Variants in CADM1 observed in about 807,000 individuals in gnomAD.
CADM1 encodes TSLC-1.
In CADM1, 15 loss-of-function variants were observed where a neutral mutation model predicts 53.1. That is an observed-to-expected ratio of 0.28 (90% CI 0.19 to 0.44). CADM1 has a LOEUF of 0.44. Ranked by LOEUF, CADM1 falls within the 20% of genes least tolerant of loss-of-function variation. CADM1 has a pLI of 1.00. For synonymous variants in CADM1, 281 were observed against 243.0 expected (o/e 1.16, Z -1.45); for missense variants, 434 against 611.3 (o/e 0.71, Z 3.06).
intron 1 of CADM1, among the ~76,000 whole-genome samples, chr11:115,482,694 C>T (rs543864844): frequency 9.2e-5 from 14 of 152,240 alleles, no homozygotes; most frequent in African/African-American, 3.1e-4. Context: ...ATCATGGAGT[C>T]CCCTAAAGAG....
intron 1 of CADM1, among the ~76,000 whole-genome samples, chr11:115,423,030 G>GTT (rs34396473): frequency 7.5e-4 from 106 of 142,068 alleles, no homozygotes; most frequent in Admixed American, 2.3e-3. Flanking sequence ...GCTACGGTCT[G>GTT]TTTTTTTTTT....
chr11:115,207,210 A>G (rs1264580385), intron 8 of CADM1: 2 of 152,176 alleles, frequency 1.3e-5, no homozygotes, highest in African/African-American at 2.4e-5. Flanking sequence ...GATTCTGGGC[A>G]TTCATTACCA....
chr11:115,470,056 T>C (rs957224186), intron 1 of CADM1, among the ~76,000 whole-genome samples: 23 of 152,222 alleles, frequency 1.5e-4, no homozygotes, highest in African/African-American at 5.1e-4. Flanking sequence ...AATAAAAAAA[T>C]AGTAATGCCT....
At chr11:115,303,747 C>T (rs746017609) in intron 1 of CADM1, among the ~76,000 whole-genome samples, 1 of 151,980 alleles carries the variant, frequency 6.6e-6, no homozygotes, top group East Asian at 1.9e-4. Context: ...TGTGCCCTAC[C>T]GGGAGATGGG....
At chr11:115,477,104 T>C (rs1404569784) in intron 1 of CADM1, among the ~76,000 whole-genome samples, 1 of 151,910 alleles carries the variant, frequency 6.6e-6, no homozygotes, top group Non-Finnish European at 1.5e-5. Context: ...CAGGATAGGA[T>C]GGTGCACAGA....
chr11:115,433,660 C>T (rs895506503), intron 1 of CADM1, among the ~76,000 whole-genome samples: 2 of 152,172 alleles, frequency 1.3e-5, no homozygotes, highest in Admixed American at 1.3e-4. Flanking sequence ...TTCCCAGGAC[C>T]TATATAAGGT....
intron 1 of CADM1, among the ~76,000 whole-genome samples, chr11:115,360,206 G>T (rs1321355234): frequency 6.6e-6 from 1 of 152,158 alleles, no homozygotes. Flanking sequence ...GAGCAGTGAG[G>T]TACAGTAAGT....
At chr11:115,468,544 T>C (rs1273555166) in intron 1 of CADM1, among the ~76,000 whole-genome samples, 1 of 151,952 alleles carries the variant, frequency 6.6e-6, no homozygotes, top group Non-Finnish European at 1.5e-5. Context: ...CTTACAGGGG[T>C]GTGTCTGTGT....
chr11:115,480,709 G>A (rs944631311), intron 1 of CADM1, among the ~76,000 whole-genome samples: 1 of 152,054 alleles, frequency 6.6e-6, no homozygotes, highest in African/African-American at 2.4e-5. Context: ...TCTCCTGGAG[G>A]GAGAACATTT....
At chr11:115,187,799 T>C (rs1160643302) in intron 10 of CADM1, among the ~76,000 whole-genome samples, 3 of 152,174 alleles carry the variant, frequency 2.0e-5, no homozygotes, top group African/African-American at 7.2e-5. Flanking sequence ...GGGACTGCAG[T>C]TGGTTCACCT....
chr11:115,451,153 T>C (rs181361080), intron 1 of CADM1, among the ~76,000 whole-genome samples: 21 of 152,362 alleles, frequency 1.4e-4, no homozygotes, highest in Admixed American at 4.6e-4. Flanking sequence ...CTCCCAGAGA[T>C]AGAAGGGAGG....
chr11:115,219,109 G>A (rs185227073), intron 5 of CADM1, among the ~76,000 whole-genome samples: 40 of 152,262 alleles, frequency 2.6e-4, no homozygotes, highest in African/African-American at 8.7e-4. Context: ...ACATCGGTTG[G>A]CTGAAAGGTC....
In CADM1 at chr11:115,174,860, A is replaced by G. The variant is rs1015842883; in HGVS notation, c.*1614T>C. On this transcript the variant is annotated 3_prime_UTR_variant, in exon 12 of 12. Transcript: ENST00000331581. ...AAGAGTTTAGTTTCTGTCCTTCAGG[A>G]CTACTTCTAGATTTCCTAGACGTTT... 2.2e-5 allele frequency: 22 copies of G among 985,546 alleles called. No homozygotes were observed. In the Admixed American group the frequency reaches 3.7e-4, roughly 17 times the overall value. 61.1% of individuals were successfully genotyped at this position (985,546 alleles called of 1,614,324 possible). A position where few individuals can be genotyped will look rare whatever the true frequency, so the allele number is the denominator to read the frequency against.
chr11:115,474,084 G>A (rs999732910), intron 1 of CADM1, among the ~76,000 whole-genome samples: 1 of 151,804 alleles, frequency 6.6e-6, no homozygotes, highest in African/African-American at 2.4e-5. Context: ...CATGGGGTCA[G>A]GAGATCAAGA....
At chr11:115,209,742 T>G in intron 7 of CADM1, 85 bp from the exon 8 acceptor site, 1 of 1,516,988 alleles carries the variant, frequency 6.6e-7, no homozygotes, top group Non-Finnish European at 9.0e-7. Context: ...CATGAGGACA[T>G]TGAGATGTTT....
intron 1 of CADM1, among the ~76,000 whole-genome samples, chr11:115,426,339 G>A (rs781314931): frequency 3.3e-5 from 5 of 152,064 alleles, no homozygotes; most frequent in African/African-American, 7.2e-5. Flanking sequence ...TCTGACCCCC[G>A]GCCCCTTTTT....
At chr11:115,292,474 G>T (rs976883993) in intron 1 of CADM1, among the ~76,000 whole-genome samples, 3 of 152,168 alleles carry the variant, frequency 2.0e-5, no homozygotes, top group African/African-American at 7.2e-5. Context: ...GGGAAGCACG[G>T]CACATCCTTA....
At chr11:115,349,515 C>A (rs979129810) in intron 1 of CADM1, among the ~76,000 whole-genome samples, 4 of 152,124 alleles carry the variant, frequency 2.6e-5, no homozygotes, top group African/African-American at 9.7e-5. Flanking sequence ...GTAAAAATAA[C>A]CTCCACTGCC....
intron 1 of CADM1, among the ~76,000 whole-genome samples, chr11:115,275,244 G>A (rs908565609): frequency 4.0e-5 from 6 of 151,870 alleles, no homozygotes; most frequent in Admixed American, 2.0e-4. Flanking sequence ...TCCTCCTCTC[G>A]CCCACGTCTT....
Sources: gnomAD v4.1 joint callset for allele counts (sites outside exome capture counted in the v4.1 genomes callset) on GRCh38, gnomAD v4.1.1 for gene constraint, MANE v1.5 for transcripts, NCBI Gene and HGNC (gene_info 2026-07-23, HGNC 2026-07-21) for gene names.